BRF2: variants seen among roughly 807,000 people sequenced by gnomAD.
BRF2 encodes BRF2 general transcription factor IIIB subunit, also known as transcription factor IIIB 50 kDa subunit.
In BRF2, 17 loss-of-function variants were observed where a neutral mutation model predicts 26.6. The ratio of observed to expected loss-of-function variants is 0.64; its 90% CI spans 0.44 to 0.96. BRF2 has a LOEUF of 0.96. Ranked by LOEUF, BRF2 falls within the 40% of genes least tolerant of loss-of-function variation. The pLI is 0.00. For synonymous variants in BRF2, 219 were observed against 226.6 expected (o/e 0.97, Z 0.30); for missense variants, 515 against 537.0 (o/e 0.96, Z 0.40).
chr8:37,846,181 T>G (rs1203919114), intron 3 of BRF2, among the ~76,000 whole-genome samples: 1 of 151,954 alleles, frequency 6.6e-6, no homozygotes, highest in African/African-American at 2.4e-5. Flanking sequence ...AAACCCCATC[T>G]CTACTAAAAA....
rs1338931776 is a variant in BRF2, at chr8:37,843,288, A to G, written c.*1202T>C. 2.0e-5 allele frequency: 3 copies of G among 152,222 alleles called. No homozygotes were observed. The highest frequency in any genetic ancestry group is 7.2e-5 in the African/African-American group (3 of 41,448). The allele number at this position is 152,222 out of a possible 1,614,324, so 9.4% of individuals were successfully genotyped here. ...AGTCTCAGCCTTACAACACCACGGG[A>G]CTAAGGAAGAGCACTTCCTTGCCTC... On this transcript the variant is annotated 3_prime_UTR_variant, in exon 4 of 4. Coordinates refer to ENST00000220659, the MANE Select transcript of BRF2 (RefSeq NM_018310.4).
chr8:37,846,421 A>C (rs1805957198), intron 3 of BRF2, among the ~76,000 whole-genome samples: 2 of 152,174 alleles, frequency 1.3e-5, no homozygotes, highest in South Asian at 4.1e-4. Flanking sequence ...TAAACTAAAG[A>C]TCTTTCTCCC....
Position 37,849,819 on chromosome 8 carries a change from A to G in BRF2, c.-36T>C, listed in dbSNP as rs1412444148. 4 of 1,573,396 alleles carry G rather than the reference A, an allele frequency of 2.5e-6. No individual in the cohort carries two copies. The highest frequency in any genetic ancestry group is 1.1e-5 in the South Asian group (1 of 87,720). On this transcript the variant is annotated 5_prime_UTR_variant, in exon 1 of 4. Coordinates refer to ENST00000220659, the MANE Select transcript of BRF2 (RefSeq NM_018310.4). ...GCCCCAAAGCCGCGGAAGCCTTCAGAGACTCCTGGGTCTGCAACAGCAACC... is the reference window on the plus strand; with the variant it reads ...GCCCCAAAGCCGCGGAAGCCTTCAGGGACTCCTGGGTCTGCAACAGCAACC...
At position 37,845,202 on chromosome 8, in the gene BRF2, A is replaced by C; in HGVS notation, c.548T>G (p.Phe183Cys). ...VKTYCSSFKL[F>C]QASPSVPAKY... ...GGCTGGCACAGAAGGTGAAGCTTGG[A>C]ACAGTTTGAAGCTGAAATAACCAAA... The change falls in exon 4 of 4, where the codon TTC (phenylalanine) becomes TGC (cysteine). Residue 183 changes from phenylalanine to cysteine, a missense_variant. Phe to Cys is a radical substitution (Grantham distance 205). Coordinates refer to ENST00000220659, the MANE Select transcript of BRF2 (RefSeq NM_018310.4). 6.2e-7 allele frequency: 1 copy of C among 1,610,000 alleles called. No homozygotes were observed. Among genetic ancestry groups the C allele is most frequent in the Non-Finnish European group, 8.5e-7 (1 of 1,177,192 alleles).
Position 37,844,422 on chromosome 8 carries a change from A to G in BRF2, c.*68T>C, listed in dbSNP as rs2130084345. The G allele has an allele frequency of 8.9e-6, 14 of 1,567,702 alleles. No homozygotes were observed. Among genetic ancestry groups the G allele is most frequent in the Non-Finnish European group, 1.2e-5 (14 of 1,153,800 alleles). ...TACCTACGGACTGGTGTACACTTCCATCCTTGGTTATAACAGGAATGTTAT... is the reference window on the plus strand; with the variant it reads ...TACCTACGGACTGGTGTACACTTCCGTCCTTGGTTATAACAGGAATGTTAT... On this transcript the variant is annotated 3_prime_UTR_variant, in exon 4 of 4. Transcript: ENST00000220659.
rs758591253 is a variant in BRF2, at chr8:37,847,096, T to C, written c.294A>G (p.Gln98=). The C allele has an allele frequency of 6.2e-7, 1 of 1,614,170 alleles. No individual in the cohort carries two copies. Among genetic ancestry groups the C allele is most frequent in the Non-Finnish European group, 8.5e-7 (1 of 1,180,012 alleles). ...TFEDTAVAYY[Q]QAYRHSGIRA... The stretch of plus-strand genomic sequence containing the variant: ...GGATGCCAGAGTGCCGATATGCCTG[T>C]TGGTAGTAGGCAACCGCGGTATCCT... Residue 98 remains glutamine, a synonymous_variant, in exon 3 of 4, where the codon CAA becomes CAG. Coordinates refer to ENST00000220659, the MANE Select transcript of BRF2 (RefSeq NM_018310.4).
intron 3 of BRF2, chr8:37,845,705 G>T (rs1254533559): frequency 1.4e-6 from 1 of 700,816 alleles, no homozygotes; most frequent in Non-Finnish European, 2.6e-6. Context: ...GGGAGGATCA[G>T]GTGGGCAGAT....
At chr8:37,846,423 CT>C (rs1805957907) in intron 3 of BRF2, among the ~76,000 whole-genome samples, 1 of 152,156 alleles carries the variant, frequency 6.6e-6, no homozygotes, top group Admixed American at 6.5e-5. Flanking sequence ...AACTAAAGAT[CT>C]TTCTCCCACA....
chr8:37,845,651 A>G lies in BRF2; in HGVS notation c.537-438T>C, dbSNP rs1805942840. ...AAAGAACATAGCTACTTCAAATGAG[A>G]AAAGAGCCAGGCGCAGTGCTCACGC... On this transcript the variant is annotated intron_variant, in intron 3 of 3. Coordinates refer to ENST00000220659, the MANE Select transcript of BRF2 (RefSeq NM_018310.4). 5 of 693,068 alleles carry G rather than the reference A, an allele frequency of 7.2e-6. No homozygotes were observed. The African/African-American group carries it at 8.8e-5, about 12-fold the overall frequency. The allele number at this position is 693,068 out of a possible 1,614,324, so 42.9% of individuals were successfully genotyped here.
intron 3 of BRF2, among the ~76,000 whole-genome samples, chr8:37,846,648 T>C (rs1479865165): frequency 1.3e-5 from 2 of 151,960 alleles, no homozygotes; most frequent in East Asian, 3.9e-4. Flanking sequence ...GCACCTGTAA[T>C]CCCAGCTACT....
chr8:37,848,659 TA>T lies in BRF2; in HGVS notation c.155-5del, dbSNP rs759688798. 2 of 1,612,984 alleles carry T rather than the reference TA, an allele frequency of 1.2e-6. No individual in the cohort carries two copies. The highest frequency in any genetic ancestry group is 4.5e-5 in the East Asian group (2 of 44,878). ...GTGCTTCGGGAATATGTTACCTCTG[TA>T]AGATAATAAACAACAAATAGTGTGC... On this transcript the variant is annotated splice_polypyrimidine_tract_variant and splice_region_variant and intron_variant, in intron 1 of 3. Coordinates refer to ENST00000220659, the MANE Select transcript of BRF2 (RefSeq NM_018310.4).
intron 3 of BRF2, chr8:37,845,590 A>C: frequency 1.5e-6 from 1 of 654,884 alleles, no homozygotes; most frequent in Non-Finnish European, 2.7e-6. Flanking sequence ...TGACACCAAC[A>C]GCCTCTACTT....
At position 37,845,116 on chromosome 8, in the gene BRF2, T is replaced by C; in HGVS notation, c.634A>G (p.Asn212Asp). The C allele has an allele frequency of 1.2e-6, 2 of 1,613,890 alleles. No individual in the cohort carries two copies. The highest frequency in any genetic ancestry group is 1.1e-5 in the South Asian group (1 of 91,088). Residue 212 changes from asparagine (N) to aspartate (D), a missense_variant, in exon 4 of 4, where the codon AAT (asparagine) becomes GAT (aspartate). Coordinates refer to ENST00000220659, the MANE Select transcript of BRF2 (RefSeq NM_018310.4). The part of the protein sequence containing the change: ...SRTMQLVELA[N>D]ETWLVTGRHP... Reference sequence around the variant, plus strand: ...CTCCCGGTCACCAGCCACGTCTCATTTGCCAGCTCCACCAACTGCATTGTT... The same window carrying C: ...CTCCCGGTCACCAGCCACGTCTCATCTGCCAGCTCCACCAACTGCATTGTT...
chr8:37,848,817 T>C (rs570371251), intron 1 of BRF2, among the ~76,000 whole-genome samples, 162 bp from the exon 2 acceptor site: 1 of 152,220 alleles, frequency 6.6e-6, no homozygotes, highest in Non-Finnish European at 1.5e-5. Context: ...AGGTTCCGAA[T>C]ACACAGAGAC....
chr8:37,845,143 G>C lies in BRF2; in HGVS notation c.607C>G (p.Arg203Gly), dbSNP rs756872973. Reference protein sequence around the residue: ...YVEDKEKMLSRTMQLVELANE... With the variant: ...YVEDKEKMLSGTMQLVELANE... ...GCCAGCTCCACCAACTGCATTGTTC[G>C]AGACAGCATCTTCTCTTTGTCTTCC... is the stretch of plus-strand genomic sequence containing the variant. Residue 203 changes from arginine (R) to glycine (G), a missense_variant, in exon 4 of 4, where the codon CGA becomes GGA. Physicochemically the swap from Arg to Gly is moderately radical, Grantham distance 125 (BLOSUM62 -2). Transcript: ENST00000220659. The C allele has an allele frequency of 6.2e-7, 1 of 1,613,462 alleles. No individual in the cohort carries two copies. Among genetic ancestry groups the C allele is most frequent in the South Asian group, 1.1e-5 (1 of 91,076 alleles).
In BRF2 at chr8:37,844,926, C is replaced by A. The variant is rs774849654; in HGVS notation, c.824G>T (p.Arg275Leu). ...RLQELLAVLL[R>L]MAEQLAWLRV... ...TAACCAGGCCAGCTGCTCAGCCATC[C>A]GCAGCAGCACAGCCAGCAGCTCCTG... The change falls in exon 4 of 4, where the codon CGG (arginine) becomes CTG (leucine). Residue 275 changes from arginine to leucine, a missense_variant. Transcript: ENST00000220659. 8 of 1,614,048 alleles carry A rather than the reference C, an allele frequency of 5.0e-6. No individual in the cohort carries two copies. The highest frequency in any genetic ancestry group is 6.8e-6 in the Non-Finnish European group (8 of 1,180,046).
At chr8:37,845,544 G>T (rs1805940835) in intron 3 of BRF2, 2 of 612,172 alleles carry the variant, frequency 3.3e-6, no homozygotes, top group Non-Finnish European at 5.8e-6. Flanking sequence ...TAGTCATCCA[G>T]CCAGGCAGTA....
chr8:37,849,553 T>TG (rs1176051625), intron 1 of BRF2, 77 bp downstream of exon 1: 12 of 1,192,580 alleles, frequency 1.0e-5, no homozygotes, highest in East Asian at 2.4e-5. Flanking sequence ...GTTAGGAGTA[T>TG]GGGGGGAGCG....
Position 37,844,462 on chromosome 8 carries a change from AG to A in BRF2, c.*27del. On this transcript the variant is annotated 3_prime_UTR_variant, in exon 4 of 4. Coordinates refer to ENST00000220659, the MANE Select transcript of BRF2 (RefSeq NM_018310.4). ...AGGAATGTTATCAAGCTGTCAGAACAGGATGAAGTGCTCCCAGTGGATATCC... is the reference window on the plus strand; with the variant it reads ...AGGAATGTTATCAAGCTGTCAGAACAGATGAAGTGCTCCCAGTGGATATCC... The A allele has an allele frequency of 6.2e-7, 1 of 1,604,612 alleles. No individual in the cohort carries two copies. Among genetic ancestry groups the A allele is most frequent in the East Asian group, 2.2e-5 (1 of 44,782 alleles).
Sources: allele counts gnomAD v4.1 joint callset (sites outside exome capture counted in the v4.1 genomes callset), GRCh38; gene constraint gnomAD v4.1.1; transcripts MANE v1.5; gene names NCBI Gene and HGNC (gene_info 2026-07-23, HGNC 2026-07-21).